ELFN1: variants seen among roughly 807,000 people sequenced by gnomAD.
ELFN1 encodes protein ELFN1.
ELFN1 carries 6 observed loss-of-function variants against 7.6 expected under a neutral mutation model. The ratio of observed to expected loss-of-function variants is 0.79; its 90% CI spans 0.43 to 1.56. The LOEUF (loss-of-function observed/expected upper bound fraction) is 1.56, where lower values mean the gene tolerates loss of function less well. Among genes scored for constraint, ELFN1 ranks in the 40% most tolerant of loss-of-function variants. ELFN1 has a pLI of 0.01. For missense variants in ELFN1, 1,169 were observed against 1,232.2 expected (o/e 0.95, Z 0.77); for synonymous variants, 657 against 588.1 (o/e 1.12, Z -1.70).
chr7:1,745,559 C>G lies in ELFN1; in HGVS notation c.963C>G (p.Val321=). Residue 321 remains valine (V), a synonymous_variant, in exon 4 of 4, where the codon GTC becomes GTG. Coordinates refer to ENST00000424383, the MANE Select transcript of ELFN1 (RefSeq NM_001128636.4). The part of the protein sequence containing the change: ...TQAEARPLIK[V]KQLTQNSATI... Reference sequence around the variant, plus strand: ...CCGAGGCCCGCCCCCTCATCAAGGTCAAGCAGCTCACTCAGAACTCGGCCA... The same window carrying G: ...CCGAGGCCCGCCCCCTCATCAAGGTGAAGCAGCTCACTCAGAACTCGGCCA... The G allele has an allele frequency of 2.6e-6, 4 of 1,550,088 alleles. No homozygotes were observed. The highest frequency in any genetic ancestry group is 3.5e-6 in the Non-Finnish European group (4 of 1,146,934).
chr7:1,679,147 G>A (rs376496694), intron 1 of ELFN1, among the ~76,000 whole-genome samples: 269 of 151,454 alleles, frequency 1.8e-3, no homozygotes, highest in African/African-American at 5.9e-3. Flanking sequence ...ACGCGTGCGC[G>A]CACACACACA....
chr7:1,687,134 CGG>C (rs760488534), intron 1 of ELFN1, among the ~76,000 whole-genome samples: 1 of 151,890 alleles, frequency 6.6e-6, no homozygotes, highest in Admixed American at 6.6e-5. Context: ...GGGGGAGGTG[CGG>C]GGGGAGATGG....
At chr7:1,720,759 A>C (rs964198815) in intron 3 of ELFN1, among the ~76,000 whole-genome samples, 2 of 117,544 alleles carry the variant, frequency 1.7e-5, no homozygotes, top group South Asian at 6.1e-4. Context: ...TAGTACTTGG[A>C]TCTCTCTTCC....
At chr7:1,719,285 G>GCCCACCAACAGGGCCCCA (rs1779939880) in intron 3 of ELFN1, among the ~76,000 whole-genome samples, 1 of 129,336 alleles carries the variant, frequency 7.7e-6, no homozygotes, top group Admixed American at 7.6e-5. Flanking sequence ...ACAGGGCCCC[G>GCCCACCAACAGGGCCCCA]CCCACCAACA....
intron 3 of ELFN1, among the ~76,000 whole-genome samples, chr7:1,724,104 G>A (rs978641430): frequency 2.0e-5 from 3 of 152,198 alleles, no homozygotes; most frequent in Non-Finnish European, 2.9e-5. Context: ...TCTGCCCCTC[G>A]TCTGTAAAAT....
chr7:1,741,233 C>G (rs1231830580), intron 3 of ELFN1, among the ~76,000 whole-genome samples: 1 of 152,170 alleles, frequency 6.6e-6, no homozygotes, highest in Non-Finnish European at 1.5e-5. Context: ...TGTGGGCCCA[C>G]CCTTCCTCCC....
chr7:1,733,597 G>A (rs1303147883), intron 3 of ELFN1, among the ~76,000 whole-genome samples: 4 of 152,104 alleles, frequency 2.6e-5, no homozygotes, highest in South Asian at 2.1e-4. Context: ...TGGGGCGGCC[G>A]CATCCCAGCC....
intron 3 of ELFN1, among the ~76,000 whole-genome samples, chr7:1,716,657 C>T (rs1050051257): frequency 1.4e-4 from 21 of 152,328 alleles, no homozygotes; most frequent in Admixed American, 6.5e-4. Flanking sequence ...GGGCTGCATG[C>T]GTGTCATAGC....
intron 2 of ELFN1, among the ~76,000 whole-genome samples, chr7:1,707,758 T>C (rs1779566547): frequency 6.6e-6 from 1 of 152,248 alleles, no homozygotes; most frequent in Non-Finnish European, 1.5e-5. Flanking sequence ...CCCCACGTAT[T>C]TTTTGGTTAT....
intron 3 of ELFN1, among the ~76,000 whole-genome samples, chr7:1,717,905 CCCTT>C (rs1779883912): frequency 6.6e-6 from 1 of 152,184 alleles, no homozygotes; most frequent in African/African-American, 2.4e-5. Flanking sequence ...CAGGCCCCCT[CCCTT>C]GTAATCTGCT....
rs1780714843 is a variant in ELFN1, at chr7:1,744,385, A to G, written c.-212A>G. ...GGCAGGAGGCCTCGGTCACCACAGG[A>G]CTGGGGCGGAAGACGAGAGGCGGCC... On this transcript the variant is annotated 5_prime_UTR_variant, in exon 4 of 4. Transcript: ENST00000424383. The G allele has an allele frequency of 1.8e-6, 1 of 557,036 alleles. No homozygotes were observed. The highest frequency in any genetic ancestry group is 3.1e-6 in the Non-Finnish European group (1 of 325,066). The allele number at this position is 557,036 out of a possible 1,614,324, so 34.5% of individuals were successfully genotyped here. A position where few individuals can be genotyped will look rare whatever the true frequency, so the allele number is the denominator to read the frequency against.
rs1778817806 is a variant in ELFN1, at chr7:1,673,982, A to G, written c.-549+3628A>G. Among the ~76,000 whole-genome samples the G allele has an allele frequency of 6.6e-6, 1 of 152,168 alleles. No homozygotes were observed. The highest frequency in any genetic ancestry group is 1.5e-5 in the Non-Finnish European group (1 of 68,016). The stretch of plus-strand genomic sequence containing the variant: ...AGGGACCTTCAGAGGGGAGGCAGAG[A>G]GGACGACTACTCCGCTCCCTGCTCC... On this transcript the variant is annotated intron_variant, in intron 1 of 3. Coordinates refer to ENST00000424383, the MANE Select transcript of ELFN1 (RefSeq NM_001128636.4). This position sits in a 1 kb window ranked among gnomAD's most constrained non-coding sequence, Gnocchi z 4.7.
intron 2 of ELFN1, among the ~76,000 whole-genome samples, chr7:1,694,640 C>G (rs1337860346): frequency 6.6e-6 from 1 of 152,224 alleles, no homozygotes; most frequent in East Asian, 1.9e-4. Context: ...AGTCAGCTCC[C>G]CCAGCACCCA....
At chr7:1,742,066 G>GCA (rs144973453) in intron 3 of ELFN1, 6 of 152,046 alleles carry the variant, frequency 3.9e-5, no homozygotes, top group South Asian at 2.1e-4. Context: ...AAACACACAT[G>GCA]CACACACACA....
intron 3 of ELFN1, among the ~76,000 whole-genome samples, chr7:1,733,113 C>A (rs1158650126): frequency 6.6e-6 from 1 of 152,146 alleles, no homozygotes; most frequent in Non-Finnish European, 1.5e-5. Flanking sequence ...GTTGGCCAGG[C>A]TGTTCTAGAA....
At position 1,746,000 on chromosome 7, in the gene ELFN1, G is replaced by A; in HGVS notation, c.1404G>A (p.Glu468=). ...AAGSLKKTII[E]LKYGPELEAP... ...GCAGCCTCAAGAAGACCATCATCGA[G>A]CTCAAGTACGGGCCAGAGCTGGAGG... The change falls in exon 4 of 4, where the codon GAG becomes GAA. Residue 468 remains glutamate (E), a synonymous_variant. Transcript: ENST00000424383. 3 of 1,544,182 alleles carry A rather than the reference G, an allele frequency of 1.9e-6. No individual in the cohort carries two copies. Among genetic ancestry groups the A allele is most frequent in the Non-Finnish European group, 1.7e-6 (2 of 1,142,928 alleles).
chr7:1,668,171 C>A (rs1156275968), upstream of ELFN1, among the ~76,000 whole-genome samples: 1 of 152,254 alleles, frequency 6.6e-6, no homozygotes, highest in African/African-American at 2.4e-5. Context: ...GATCTCAGAC[C>A]CCGAGTGACC....
rs558355287 is a variant in ELFN1 at position 1,695,395 on chromosome 7, C to A, written c.-456+7245C>A. ...GCAGGACCATTGGCACAAGCCTGGG[C>A]GAGTCTCGCTGGGAGGCAGGAGCAG... On this transcript the variant is annotated intron_variant, in intron 2 of 3. Coordinates refer to ENST00000424383, the MANE Select transcript of ELFN1 (RefSeq NM_001128636.4). This position sits in a 1 kb window ranked among gnomAD's most constrained non-coding sequence, Gnocchi z 5.1. Among the ~76,000 whole-genome samples, 8 of 152,118 alleles carry A rather than the reference C, an allele frequency of 5.3e-5. No homozygotes were observed. The highest frequency in any genetic ancestry group is 1.2e-4 in the Non-Finnish European group (8 of 68,010).
chr7:1,732,991 C>A (rs1780355434), intron 3 of ELFN1, among the ~76,000 whole-genome samples: 1 of 152,138 alleles, frequency 6.6e-6, no homozygotes. Flanking sequence ...AGCTCTGCCT[C>A]CTGGGTTCAA....
Sources: gnomAD v4.1 joint callset for allele counts (sites outside exome capture counted in the v4.1 genomes callset) on GRCh38, gnomAD v4.1.1 for gene constraint, Gnocchi (gnomAD v3.1) non-coding constraint, MANE v1.5 for transcripts, NCBI Gene and HGNC (gene_info 2026-07-23, HGNC 2026-07-21) for gene names.